The following ALDH7A1 variants were observed in gnomAD, a reference collection of about 807,000 sequenced individuals.
The protein encoded by ALDH7A1 is alpha-aminoadipic semialdehyde dehydrogenase.
In ALDH7A1, 63 loss-of-function variants were observed where a neutral mutation model predicts 79.9. The ratio of observed to expected loss-of-function variants is 0.79; its 90% confidence interval spans 0.64 to 0.97. The LOEUF (loss-of-function observed/expected upper bound fraction) is 0.97, where lower values mean the gene tolerates loss of function less well. ALDH7A1 is among the 50% of genes least tolerant of loss of function. The pLI, the probability that ALDH7A1 is intolerant of heterozygous loss-of-function variation, is 0.00. For synonymous variants in ALDH7A1, 240 were observed against 231.2 expected, an observed-to-expected ratio of 1.04 and a Z score of -0.34; for missense variants, 627 against 665.2, an observed-to-expected ratio of 0.94 and a Z score of 0.63.
At chr5:126,582,720 T>G (rs750231545) in intron 5 of ALDH7A1, 131 bp downstream of exon 5, 21 of 1,012,260 alleles carry the variant, frequency 2.1e-5, no homozygotes, top group Non-Finnish European at 3.0e-5. Context: ...TTTGAAAGAT[T>G]GAGGATATTT....
chr5:126,591,264 G>A (rs1447690609), intron 3 of ALDH7A1, among the ~76,000 whole-genome samples: 1 of 152,076 alleles, frequency 6.6e-6, no homozygotes, highest in Admixed American at 6.5e-5. Context: ...TGTGGAAGTG[G>A]TATTTTTCTG....
chr5:126,550,117 T>TA (rs1056844549), intron 15 of ALDH7A1, 79 bp downstream of exon 15: 17 of 1,533,266 alleles, frequency 1.1e-5, no homozygotes, highest in Admixed American at 8.5e-5. Context: ...AAACTGATTT[T>TA]AGACTACAGC....
At chr5:126,589,924 A>C (rs1421594742) in intron 3 of ALDH7A1, among the ~76,000 whole-genome samples, 174 of 79,672 alleles carry the variant, frequency 2.2e-3, no homozygotes, top group African/African-American at 7.9e-3. Context: ...CAGCTGCCCA[A>C]TGTCTGGGAA....
At chr5:126,546,002 C>T (rs1431879268) in intron 17 of ALDH7A1, among the ~76,000 whole-genome samples, 2 of 151,896 alleles carry the variant, frequency 1.3e-5, no homozygotes, top group South Asian at 2.1e-4. Flanking sequence ...AATCTCAGCA[C>T]TTTGGGAGGC....
intron 11 of ALDH7A1, among the ~76,000 whole-genome samples, chr5:126,556,894 A>G (rs1391673445): frequency 6.6e-6 from 1 of 152,262 alleles, no homozygotes; most frequent in Non-Finnish European, 1.5e-5. Context: ...GTCATGAAGC[A>G]GTCCATAGTA....
chr5:126,545,138 C>CT, intron 17 of ALDH7A1, 119 bp from the exon 18 acceptor site: 1 of 741,840 alleles, frequency 1.3e-6, no homozygotes. Flanking sequence ...CAAGTTACAA[C>CT]TTTTTAAGAC....
chr5:126,547,386 C>CCT (rs1275975096), intron 16 of ALDH7A1, among the ~76,000 whole-genome samples: 1 of 152,182 alleles, frequency 6.6e-6, no homozygotes, highest in African/African-American at 2.4e-5. Flanking sequence ...CAAGAGACTC[C>CCT]CTATCCAGCT....
At position 126,555,951 on chromosome 5, in the gene ALDH7A1, C is replaced by T. The variant is rs144671885; in HGVS notation, c.1073G>A (p.Arg358Gln). Residue 358 changes from arginine (R) to glutamine (Q), a missense_variant, in exon 12 of 18, where the codon CGA (arginine) becomes CAA (glutamine). Physicochemically the swap from Arg to Gln is conservative, Grantham distance 43. Coordinates refer to ENST00000409134, the MANE Select transcript of ALDH7A1 (RefSeq NM_001182.5). ...CTCACGGTCCCATGGGTTCCCAACTCGGATCTGTGCATAGGCCTTTTTAAG... is the reference window on the plus strand; with the variant it reads ...CTCACGGTCCCATGGGTTCCCAACTTGGATCTGTGCATAGGCCTTTTTAAG... ...NRLKKAYAQIRVGNPWDPNVL... is the reference protein window; with the variant it reads ...NRLKKAYAQIQVGNPWDPNVL... The T allele has an allele frequency of 4.3e-6, 7 of 1,613,150 alleles. No homozygotes were observed. In the Admixed American group the frequency reaches 5.0e-5, roughly 12 times the overall value.
chr5:126,587,220 G>T (rs1751384547), intron 3 of ALDH7A1: 1 of 152,218 alleles, frequency 6.6e-6, no homozygotes, highest in Non-Finnish European at 1.5e-5. Flanking sequence ...ATTCTGTGCT[G>T]AAACTGGCTC....
At chr5:126,554,435 T>C in intron 12 of ALDH7A1, 42 bp from the exon 13 acceptor site, 3 of 1,522,458 alleles carry the variant, frequency 2.0e-6, no homozygotes, top group Middle Eastern at 3.4e-4. Flanking sequence ...TTTTGCCCTT[T>C]ATGGCATCGT....
intron 9 of ALDH7A1, among the ~76,000 whole-genome samples, chr5:126,563,975 C>T (rs996141404): frequency 2.6e-5 from 4 of 151,616 alleles, no homozygotes; most frequent in African/African-American, 9.7e-5. Context: ...TTTTAAGAGA[C>T]AGGTTTTCAC....
At chr5:126,551,513 G>A (rs1749998519) in intron 14 of ALDH7A1, among the ~76,000 whole-genome samples, 1 of 151,812 alleles carries the variant, frequency 6.6e-6, no homozygotes, top group Non-Finnish European at 1.5e-5. Flanking sequence ...AGTAGAGACG[G>A]GGTTTCACCA....
intron 9 of ALDH7A1, chr5:126,564,351 T>C (rs1750500650): frequency 2.8e-6 from 1 of 360,972 alleles, no homozygotes; most frequent in African/African-American, 2.1e-5. Flanking sequence ...TTTCACCATG[T>C]AGCCCAGGCT....
Position 126,543,610 on chromosome 5 carries a change from T to G in ALDH7A1, c.*1355A>C, listed in dbSNP as rs938587729. The G allele has an allele frequency of 2.6e-5, 4 of 152,230 alleles. No individual in the cohort carries two copies. Among genetic ancestry groups the G allele is most frequent in the Non-Finnish European group, 5.9e-5 (4 of 68,048 alleles). The allele number at this position is 152,230 out of a possible 1,614,324, so 9.4% of individuals were successfully genotyped here. A position where few individuals can be genotyped will look rare whatever the true frequency, so the allele number is the denominator to read the frequency against. On this transcript the variant is annotated 3_prime_UTR_variant, in exon 18 of 18. Transcript: ENST00000409134. ...TCAACCCCAAATTATTTGCCATTTG[T>G]CCAGATCTCTCCACATCCTGATGGA...
intron 11 of ALDH7A1, among the ~76,000 whole-genome samples, chr5:126,557,830 AT>A (rs1393884955): frequency 2.0e-5 from 3 of 151,766 alleles, no homozygotes; most frequent in South Asian, 2.1e-4. Context: ...CTTAAAAATA[AT>A]TTTTTTTAAA....
At chr5:126,589,578 A>G (rs1751472277) in intron 3 of ALDH7A1, among the ~76,000 whole-genome samples, 1 of 152,130 alleles carries the variant, frequency 6.6e-6, no homozygotes, top group African/African-American at 2.4e-5. Context: ...CAGGAGTTCG[A>G]GACCAACCTG....
At chr5:126,558,815 C>T (rs1324731542) in intron 11 of ALDH7A1, among the ~76,000 whole-genome samples, 1 of 152,230 alleles carries the variant, frequency 6.6e-6, no homozygotes, top group Non-Finnish European at 1.5e-5. Context: ...CTTGAGCCAC[C>T]ATGCCCAGTC....
chr5:126,583,389 G>A (rs1050665875), intron 4 of ALDH7A1, among the ~76,000 whole-genome samples: 15 of 152,096 alleles, frequency 9.9e-5, no homozygotes, highest in Non-Finnish European at 1.6e-4. Flanking sequence ...GCTGAGGCAG[G>A]AGAATCGCTT....
intron 5 of ALDH7A1, 117 bp from the exon 6 acceptor site, chr5:126,577,328 T>C (rs2112794897): frequency 2.3e-6 from 3 of 1,322,766 alleles, no homozygotes; most frequent in South Asian, 2.5e-5. Context: ...TAGTGGGAAA[T>C]TGCTACACAG....
Sources: allele counts gnomAD v4.1 joint callset (sites outside exome capture counted in the v4.1 genomes callset), GRCh38; gene constraint gnomAD v4.1.1; transcripts MANE v1.5; gene names NCBI Gene and HGNC (gene_info 2026-07-23, HGNC 2026-07-21).